PALM2AKAP2: variants seen among roughly 807,000 people sequenced by gnomAD.
PALM2AKAP2 encodes PALM2 and AKAP2 fusion, also known as PALM2-AKAP2 fusion protein.
Under a neutral mutation model 71.5 loss-of-function variants are expected in PALM2AKAP2, and 37 were observed. That is an observed-to-expected ratio of 0.52 (90% CI 0.40 to 0.68). The LOEUF is 0.68. Ranked by LOEUF, PALM2AKAP2 falls within the 30% of genes least tolerant of loss-of-function variation. The probability of loss-of-function intolerance (pLI) is 0.00; values close to 1 mark genes in which losing one functional copy is unlikely to be tolerated. For missense variants in PALM2AKAP2, 1,224 were observed against 1,191.8 expected, an observed-to-expected ratio of 1.03 and a Z score of -0.40; for synonymous variants, 468 against 478.8, an observed-to-expected ratio of 0.98 and a Z score of 0.29.
At chr9:109,673,335 G>C (rs1827603501) in intron 1 of PALM2AKAP2, among the ~76,000 whole-genome samples, 1 of 151,742 alleles carries the variant, frequency 6.6e-6, no homozygotes, top group Non-Finnish European at 1.5e-5. Context: ...CAGAGATCTT[G>C]ACTACTGCCT....
At chr9:109,717,717 C>G (rs752836547) in intron 1 of PALM2AKAP2, among the ~76,000 whole-genome samples, 1 of 152,240 alleles carries the variant, frequency 6.6e-6, no homozygotes, top group African/African-American at 2.4e-5. Flanking sequence ...CCTACAAAGC[C>G]TTTCCCTGAG....
intron 6 of PALM2AKAP2, among the ~76,000 whole-genome samples, chr9:109,953,211 A>C (rs1831676502): frequency 6.6e-6 from 1 of 152,234 alleles, no homozygotes; most frequent in Non-Finnish European, 1.5e-5. Flanking sequence ...CATGGAGGGC[A>C]AATGATTACC....
At chr9:110,148,360 T>C (rs1258342538) in intron 2 of PALM2AKAP2, among the ~76,000 whole-genome samples, 1 of 152,144 alleles carries the variant, frequency 6.6e-6, no homozygotes, top group Non-Finnish European at 1.5e-5. Flanking sequence ...TTCTCAGACT[T>C]GTTTGCCAAG....
Position 110,015,938 on chromosome 9 carries a change from CT to C in PALM2AKAP2, c.497-8del, listed in dbSNP as rs535801910. The C allele has an allele frequency of 4.3e-6, 7 of 1,610,208 alleles. No homozygotes were observed. The highest frequency in any genetic ancestry group is 1.3e-5 in the African/African-American group (1 of 74,916). Reference sequence around the variant, plus strand: ...GAATGACTTGGCTCAAATGGCACTTCTTTTTTTTCTTTCAGGAGTCGGGTGG... The same window carrying C: ...GAATGACTTGGCTCAAATGGCACTTCTTTTTTTCTTTCAGGAGTCGGGTGG... On this transcript the variant is annotated splice_polypyrimidine_tract_variant and intron_variant, in intron 6 of 9. Coordinates refer to the PALM2AKAP2 transcript ENST00000302798.
intron 1 of PALM2AKAP2, among the ~76,000 whole-genome samples, chr9:109,672,444 G>A (rs1008641776): frequency 6.6e-6 from 1 of 152,100 alleles, no homozygotes; most frequent in Non-Finnish European, 1.5e-5. Flanking sequence ...GCATCCTAGG[G>A]ATAAATCCTA....
At chr9:109,862,016 A>T (rs1393245114) in intron 1 of PALM2AKAP2, among the ~76,000 whole-genome samples, 2 of 152,190 alleles carry the variant, frequency 1.3e-5, no homozygotes, top group East Asian at 3.9e-4. Context: ...TAGGCTTTAG[A>T]GATGTGTCAG....
chr9:109,692,220 C>T (rs1827909122), intron 1 of PALM2AKAP2, among the ~76,000 whole-genome samples: 1 of 151,422 alleles, frequency 6.6e-6, no homozygotes, highest in Non-Finnish European at 1.5e-5. Flanking sequence ...TTGTAAATTT[C>T]AATTTCCAAT....
At chr9:110,059,717 G>T (rs1361963955) in intron 1 of PALM2AKAP2, among the ~76,000 whole-genome samples, 1 of 152,138 alleles carries the variant, frequency 6.6e-6, no homozygotes. Context: ...GGCCAGAGTG[G>T]AATGTGTCTT....
chr9:110,071,163 C>CAAAAA (rs768229567), intron 1 of PALM2AKAP2, among the ~76,000 whole-genome samples: 50 of 101,828 alleles, frequency 4.9e-4, no homozygotes, highest in East Asian at 1.1e-3. Flanking sequence ...GACTCTGTTT[C>CAAAAA]AAAAAAAAAA....
chr9:109,726,397 G>A (rs1252088697), intron 1 of PALM2AKAP2, among the ~76,000 whole-genome samples: 1 of 152,234 alleles, frequency 6.6e-6, no homozygotes, highest in Non-Finnish European at 1.5e-5. Flanking sequence ...AGCAGAGCAG[G>A]CTCCTGTACT....
upstream of PALM2AKAP2, among the ~76,000 whole-genome samples, chr9:109,777,169 C>A (rs1022786888): frequency 6.6e-6 from 1 of 152,198 alleles, no homozygotes; most frequent in African/African-American, 2.4e-5. Flanking sequence ...ATTGGGAAAA[C>A]CAGTCCATCT....
chr9:109,668,813 G>C (rs566601891), intron 1 of PALM2AKAP2, among the ~76,000 whole-genome samples: 1 of 152,298 alleles, frequency 6.6e-6, no homozygotes, highest in East Asian at 1.9e-4. Flanking sequence ...CCTCCACCTT[G>C]GTTAGACAAG....
chr9:109,937,294 C>G (rs1429873681), intron 6 of PALM2AKAP2, among the ~76,000 whole-genome samples: 1 of 152,160 alleles, frequency 6.6e-6, no homozygotes, highest in African/African-American at 2.4e-5. Flanking sequence ...CGCTCCACAC[C>G]TGGGTGTTTT....
At chr9:110,082,684 G>A (rs1002953725) in intron 1 of PALM2AKAP2, among the ~76,000 whole-genome samples, 2 of 152,080 alleles carry the variant, frequency 1.3e-5, no homozygotes, top group African/African-American at 4.8e-5. Flanking sequence ...TTTTGGTTTT[G>A]GTTTTGTGGT....
Position 109,663,155 on chromosome 9 carries a change from A to AT in PALM2AKAP2, c.5+22295dup, listed in dbSNP as rs1197099195. Among the ~76,000 whole-genome samples, 11 of 152,024 alleles carry AT rather than the reference A, an allele frequency of 7.2e-5. No individual in the cohort carries two copies. The East Asian group carries it at 1.5e-3, about 21-fold the overall frequency. Reference sequence around the variant, plus strand: ...CAAAAACAAGCTTCCGGATTCATTGATTTTTTGAAAGGTTTTTTGTGTCTC... The same window carrying AT: ...CAAAAACAAGCTTCCGGATTCATTGATTTTTTTGAAAGGTTTTTTGTGTCTC... On this transcript the variant is annotated intron_variant, in intron 1 of 6. Coordinates refer to the PALM2AKAP2 transcript ENST00000374531.
chr9:109,741,211 T>A (rs1828711717), intron 1 of PALM2AKAP2, among the ~76,000 whole-genome samples: 1 of 152,156 alleles, frequency 6.6e-6, no homozygotes, highest in South Asian at 2.1e-4. Context: ...TTTGTAAAAA[T>A]GAAATTATGC....
At chr9:110,027,549 G>C (rs1833202661) in intron 7 of PALM2AKAP2, among the ~76,000 whole-genome samples, 1 of 152,164 alleles carries the variant, frequency 6.6e-6, no homozygotes, top group Admixed American at 6.5e-5. Context: ...ATTTATGCTT[G>C]AACAAGAAAC....
intron 1 of PALM2AKAP2, among the ~76,000 whole-genome samples, chr9:109,691,867 TACAC>T (rs368555887): frequency 0.094 from 4,825 of 51,146 alleles, 352 homozygotes; most frequent in East Asian, 0.21. Flanking sequence ...TATATATATA[TACAC>T]ACACACACAC....
chr9:110,078,067 GTC>G (rs1241448752), intron 1 of PALM2AKAP2, among the ~76,000 whole-genome samples: 1 of 151,910 alleles, frequency 6.6e-6, no homozygotes, highest in Non-Finnish European at 1.5e-5. Flanking sequence ...AGGCCATATG[GTC>G]TCTGTTATAA....
Sources: allele counts gnomAD v4.1 joint callset (sites outside exome capture counted in the v4.1 genomes callset), GRCh38; gene constraint gnomAD v4.1.1; transcripts MANE v1.5; gene names NCBI Gene and HGNC (gene_info 2026-07-23, HGNC 2026-07-21).